The following MMP2 variants were observed in gnomAD, a reference collection of about 807,000 sequenced individuals.
The protein encoded by MMP2 is matrix metallopeptidase 2, also known as 72 kDa type IV collagenase.
In MMP2, 39 loss-of-function variants were observed where a neutral mutation model predicts 74.8. The ratio of observed to expected loss-of-function variants is 0.52; its 90% CI spans 0.40 to 0.68. The LOEUF (loss-of-function observed/expected upper bound fraction) is 0.68. MMP2 is among the 30% of genes least tolerant of loss of function. The pLI, the probability that MMP2 is intolerant of heterozygous loss-of-function variation, is 0.00. For missense variants in MMP2, 803 were observed against 878.3 expected (o/e 0.91, Z 1.08); for synonymous variants, 367 against 339.8 (o/e 1.08, Z -0.88).
chr16:55,496,037 G>C (rs1163681938), intron 9 of MMP2, among the ~76,000 whole-genome samples: 2 of 152,198 alleles, frequency 1.3e-5, no homozygotes, highest in Non-Finnish European at 2.9e-5. Flanking sequence ...ACAGTGCTAG[G>C]GAATGCTAAA....
At position 55,505,470 on chromosome 16, in the gene MMP2, C is replaced by T; in HGVS notation, c.*28C>T. 1 of 1,587,098 alleles carries T rather than the reference C, an allele frequency of 6.3e-7. No homozygotes were observed. The highest frequency in any genetic ancestry group is 8.7e-7 in the Non-Finnish European group (1 of 1,155,566). On this transcript the variant is annotated 3_prime_UTR_variant, in exon 13 of 13. Coordinates refer to ENST00000219070, the MANE Select transcript of MMP2 (RefSeq NM_004530.6). Reference sequence around the variant, plus strand: ...TGGCCCTGGCTCCCACAGGCCCTTCCTCTCCACTGCCTTCGATACACCGGG... The same window carrying T: ...TGGCCCTGGCTCCCACAGGCCCTTCTTCTCCACTGCCTTCGATACACCGGG...
At chr16:55,482,588 AG>A (rs1962131519) in intron 1 of MMP2, among the ~76,000 whole-genome samples, 1 of 152,230 alleles carries the variant, frequency 6.6e-6, no homozygotes, top group Non-Finnish European at 1.5e-5. Flanking sequence ...TCTGTATAAT[AG>A]GGTTAGTATA....
chr16:55,488,732 T>A lies in MMP2; in HGVS notation c.1006+16T>A. On this transcript the variant is annotated intron_variant, in intron 6 of 12. Coordinates refer to ENST00000219070, the MANE Select transcript of MMP2 (RefSeq NM_004530.6). ...CCTGAGACCGGTGGGTGCCACTCCCTCTCCCTCCCTCAGGGCCCAGCACCT... is the reference window on the plus strand; with the variant it reads ...CCTGAGACCGGTGGGTGCCACTCCCACTCCCTCCCTCAGGGCCCAGCACCT... The A allele has an allele frequency of 6.3e-7, 1 of 1,575,240 alleles. No homozygotes were observed. The highest frequency in any genetic ancestry group is 8.6e-7 in the Non-Finnish European group (1 of 1,163,974).
intron 8 of MMP2, among the ~76,000 whole-genome samples, chr16:55,492,883 C>T (rs1161282539): frequency 1.3e-5 from 2 of 152,096 alleles, no homozygotes; most frequent in African/African-American, 2.4e-5. Context: ...GCCTCAGTTT[C>T]CTCACCTGTG....
rs191126061 is a variant in MMP2 at position 55,506,539 on chromosome 16, C to G, written c.*1097C>G. On this transcript the variant is annotated 3_prime_UTR_variant, in exon 13 of 13. Coordinates refer to ENST00000219070, the MANE Select transcript of MMP2 (RefSeq NM_004530.6). The stretch of plus-strand genomic sequence containing the variant: ...ATTAGCAATCATATCAGTTTTAATG[C>G]TACTACTAACAATGAACAGTAACAA... 1.3e-5 allele frequency: 2 copies of G among 152,224 alleles called. No individual in the cohort carries two copies. The highest frequency in any genetic ancestry group is 2.9e-5 in the Non-Finnish European group (2 of 68,040). 9.4% of individuals were successfully genotyped at this position (152,224 alleles called of 1,614,324 possible). A position where few individuals can be genotyped will look rare whatever the true frequency, so the allele number is the denominator to read the frequency against.
intron 9 of MMP2, among the ~76,000 whole-genome samples, chr16:55,493,769 C>A (rs1962471176): frequency 1.3e-5 from 2 of 152,158 alleles, no homozygotes; most frequent in South Asian, 4.1e-4. Context: ...ATCCTAAAAT[C>A]AAAATGGAGG....
intron 11 of MMP2, among the ~76,000 whole-genome samples, chr16:55,500,056 C>G (rs1287342874): frequency 1.3e-5 from 2 of 151,976 alleles, no homozygotes; most frequent in Non-Finnish European, 2.9e-5. Context: ...TTCAGAAACT[C>G]TTTATATCCC....
In MMP2 at chr16:55,485,749, T is replaced by A; in HGVS notation, c.804T>A (p.Asp268Glu). ...CCACCACCTACAACTTTGAGAAGGA[T>A]GGCAAGTACGGCTTCTGTCCCCATG... Reference protein sequence around the residue: ...WCSTTYNFEKDGKYGFCPHEA... With the variant: ...WCSTTYNFEKEGKYGFCPHEA... The change falls in exon 5 of 13, where the codon GAT (aspartate) becomes GAA (glutamate). Residue 268 changes from aspartate (D) to glutamate (E), a missense_variant. Physicochemically the swap from Asp to Glu is conservative, Grantham distance 45. Around this residue, in one of 3 missense-constraint regions of MMP2, gnomAD observed 555 missense variants for 592.0 expected, o/e 0.94. Transcript: ENST00000219070. 2 of 1,614,098 alleles carry A rather than the reference T, an allele frequency of 1.2e-6. No homozygotes were observed. The highest frequency in any genetic ancestry group is 2.2e-5 in the South Asian group (2 of 91,074).
At chr16:55,497,244 A>C (rs1962553535) in intron 10 of MMP2, among the ~76,000 whole-genome samples, 182 bp downstream of exon 10, 1 of 152,110 alleles carries the variant, frequency 6.6e-6, no homozygotes, top group Admixed American at 6.5e-5. Flanking sequence ...CCTCTGGGAG[A>C]TTGGTTCCGA....
At chr16:55,499,568 G>A in intron 11 of MMP2, among the ~76,000 whole-genome samples, 1 of 152,188 alleles carries the variant, frequency 6.6e-6, no homozygotes, top group African/African-American at 2.4e-5. Context: ...GTTCTGAGGG[G>A]CTATAGTCAT....
rs1263437371 is a variant in MMP2 at position 55,491,975 on chromosome 16, G to A, written c.1336+19G>A. On this transcript the variant is annotated intron_variant, in intron 8 of 12. Transcript: ENST00000219070. ...CTCTATGGTAAACCTCCGGGCGGGG[G>A]TTGGGGGTGGAGGGTGAGGAGGGGG... The A allele has an allele frequency of 6.8e-6, 10 of 1,464,314 alleles. No homozygotes were observed. Among genetic ancestry groups the A allele is most frequent in the Non-Finnish European group, 9.4e-6 (10 of 1,068,216 alleles). The allele number at this position is 1,464,314 out of a possible 1,614,324, so 90.7% of individuals were successfully genotyped here.
At chr16:55,504,651 A>ATTTT (rs71149619) in intron 12 of MMP2, among the ~76,000 whole-genome samples, 1 of 131,712 alleles carries the variant, frequency 7.6e-6, no homozygotes, top group Non-Finnish European at 1.6e-5. Flanking sequence ...AAACAATTGA[A>ATTTT]TTTTTTTTTT....
At chr16:55,482,034 A>G (rs1276610467) in intron 1 of MMP2, among the ~76,000 whole-genome samples, 1 of 152,110 alleles carries the variant, frequency 6.6e-6, no homozygotes, top group East Asian at 1.9e-4. Context: ...CTTATCACAT[A>G]CTTCATTTTG....
chr16:55,481,288 T>C lies in MMP2; in HGVS notation c.154-1621T>C, dbSNP rs837546. Among the ~76,000 whole-genome samples, 74,882 of 151,958 alleles carry C rather than the reference T, an allele frequency of 0.49. 21,208 individuals are homozygous for C. The highest frequency in any genetic ancestry group is 0.64 in the South Asian group (3,062 of 4,810). On this transcript the variant is annotated intron_variant, in intron 1 of 12. Coordinates refer to ENST00000219070, the MANE Select transcript of MMP2 (RefSeq NM_004530.6). ...GAGGGTTTCTCTCCCTTTTAGACCATATAGGGTAACTTCTCAATGTTGCTA... is the reference window on the plus strand; with the variant it reads ...GAGGGTTTCTCTCCCTTTTAGACCACATAGGGTAACTTCTCAATGTTGCTA...
chr16:55,485,657 T>G lies in MMP2; in HGVS notation c.712T>G (p.Leu238Val), dbSNP rs941431292. 6.2e-7 allele frequency: 1 copy of G among 1,614,188 alleles called. No individual in the cohort carries two copies. The highest frequency in any genetic ancestry group is 1.7e-5 in the Admixed American group (1 of 60,026). Reference protein sequence around the residue: ...ADGEYCKFPFLFNGKEYNSCT... With the variant: ...ADGEYCKFPFVFNGKEYNSCT... ...TGGGGAGTACTGCAAGTTCCCCTTC[T>G]TGTTCAATGGCAAGGAGTACAACAG... The change falls in exon 5 of 13, where the codon TTG becomes GTG. Residue 238 changes from leucine (L) to valine (V), a missense_variant. By Grantham distance (32) the Leu-to-Val change is conservative. Coordinates refer to ENST00000219070, the MANE Select transcript of MMP2 (RefSeq NM_004530.6).
chr16:55,503,503 A>ATT (rs59787590), intron 12 of MMP2, among the ~76,000 whole-genome samples: 2,830 of 146,074 alleles, frequency 0.019, 79 homozygotes, highest in African/African-American at 0.063. Flanking sequence ...AATTCCACAG[A>ATT]TTTTTTTTTT....
At chr16:55,500,031 CCCAGCTGCCCT>C (rs1278037622) in intron 11 of MMP2, among the ~76,000 whole-genome samples, 2 of 152,098 alleles carry the variant, frequency 1.3e-5, no homozygotes, top group African/African-American at 4.8e-5. Flanking sequence ...TACTCTGCCC[CCCAGCTGCCCT>C]GCATTCAGAA....
chr16:55,502,977 G>T, intron 12 of MMP2, 89 bp downstream of exon 12: 1 of 1,040,514 alleles, frequency 9.6e-7, no homozygotes, highest in Non-Finnish European at 1.5e-6. Context: ...TCTTTATTGT[G>T]CAGGGCAGGC....
At position 55,488,715 on chromosome 16, in the gene MMP2, C is replaced by T. The variant is rs745915591; in HGVS notation, c.1005C>T (p.Thr335=). 30 of 1,593,656 alleles carry T rather than the reference C, an allele frequency of 1.9e-5. No homozygotes were observed. The highest frequency in any genetic ancestry group is 1.7e-4 in the Middle Eastern group (1 of 6,004). ...RDKKYGFCPE[T]AMSTVGGNSE... is the part of the protein sequence containing the mutation. ...AGAAGTATGGCTTCTGCCCTGAGAC[C>T]GGTGGGTGCCACTCCCTCTCCCTCC... The change falls in exon 6 of 13, where the codon ACC becomes ACT. Residue 335 remains threonine, a splice_region_variant and synonymous_variant. Coordinates refer to ENST00000219070, the MANE Select transcript of MMP2 (RefSeq NM_004530.6).
Sources: allele counts gnomAD v4.1 joint callset (sites outside exome capture counted in the v4.1 genomes callset), GRCh38; gene constraint gnomAD v4.1.1; regional missense constraint gnomAD v4.1.1; transcripts MANE v1.5; gene names NCBI Gene and HGNC (gene_info 2026-07-23, HGNC 2026-07-21).